Variants in CELF1 observed in about 807,000 individuals in gnomAD.
The protein encoded by CELF1 is CUGBP Elav-like family member 1, also known as 50 kDa nuclear polyadenylated RNA-binding protein.
A neutral mutation model predicts 61.8 loss-of-function variants in CELF1; 10 were observed. That is an observed-to-expected ratio of 0.16 (90% CI 0.10 to 0.27). The LOEUF (loss-of-function observed/expected upper bound fraction) is 0.27, where lower values mean the gene tolerates loss of function less well. Ranked by LOEUF, CELF1 falls within the 10% of genes least tolerant of loss-of-function variation. The probability of loss-of-function intolerance (pLI) is 1.00; values close to 1 mark genes in which losing one functional copy is unlikely to be tolerated. For missense variants in CELF1, 380 were observed against 639.1 expected, an observed-to-expected ratio of 0.59 and a Z score of 4.37; for synonymous variants, 236 against 225.1, an observed-to-expected ratio of 1.05 and a Z score of -0.43.
intron 1 of CELF1, among the ~76,000 whole-genome samples, chr11:47,549,660 CTAG>C (rs1301940659): frequency 6.6e-6 from 1 of 151,914 alleles, no homozygotes; most frequent in African/African-American, 2.4e-5. Flanking sequence ...TTACCAGGGG[CTAG>C]TAGGAGGGGG....
chr11:47,561,152 A>AG lies in CELF1; in HGVS notation c.-11+3198_-11+3199insC, dbSNP rs2097223682. Among the ~76,000 whole-genome samples, 4 of 149,654 alleles carry AG rather than the reference A, an allele frequency of 2.7e-5. No individual in the cohort carries two copies. The South Asian group carries it at 8.4e-4, about 32-fold the overall frequency. ...GACTCTGTCTCAAAAAAAAAAAAAA[A>AG]AAGTGTATTTCGCTGGGTGAGGTGG... On this transcript the variant is annotated intron_variant, in intron 2 of 3. Coordinates refer to the CELF1 transcript ENST00000525841.
chr11:47,496,445 G>C (rs557553659), intron 3 of CELF1, among the ~76,000 whole-genome samples: 9 of 152,276 alleles, frequency 5.9e-5, no homozygotes, highest in African/African-American at 2.2e-4. Flanking sequence ...ATAGGGCTCT[G>C]TAAGACTGAG....
At chr11:47,541,474 T>C (rs1419984990) in intron 1 of CELF1, among the ~76,000 whole-genome samples, 1 of 151,862 alleles carries the variant, frequency 6.6e-6, no homozygotes, top group African/African-American at 2.4e-5. Context: ...GTGGATCTCC[T>C]GAGGTCAGGA....
intron 1 of CELF1, among the ~76,000 whole-genome samples, chr11:47,550,569 T>C (rs182958098): frequency 1.3e-5 from 2 of 152,204 alleles, no homozygotes; most frequent in African/African-American, 4.8e-5. Context: ...TAAGCCTATT[T>C]TGGGAAGATA....
At chr11:47,510,259 G>A (rs1489767841) in intron 1 of CELF1, among the ~76,000 whole-genome samples, 1 of 152,134 alleles carries the variant, frequency 6.6e-6, no homozygotes, top group Non-Finnish European at 1.5e-5. Flanking sequence ...GAATAGGCAA[G>A]GTAATAAGCT....
intron 13 of CELF1, 84 bp downstream of exon 13, chr11:47,475,252 C>G: frequency 2.3e-6 from 3 of 1,316,442 alleles, no homozygotes; most frequent in Non-Finnish European, 3.2e-6. Context: ...TAACTGGTTC[C>G]CTCAGCCTTT....
At chr11:47,494,948 T>C (rs2092782345) in intron 3 of CELF1, among the ~76,000 whole-genome samples, 1 of 152,218 alleles carries the variant, frequency 6.6e-6, no homozygotes, top group Non-Finnish European at 1.5e-5. Flanking sequence ...ACAGGGGTCT[T>C]GCTGTGAAAC....
At chr11:47,492,992 GTTGT>G (rs1194864055) in intron 3 of CELF1, among the ~76,000 whole-genome samples, 5 of 152,154 alleles carry the variant, frequency 3.3e-5, no homozygotes, top group East Asian at 3.9e-4. Context: ...CCTTCCCTCT[GTTGT>G]TTGTGTGCCA....
At chr11:47,481,102 C>CTTTTTTTTTTTTTTTTTTT (rs1187959061) in intron 9 of CELF1, among the ~76,000 whole-genome samples, 10 of 71,416 alleles carry the variant, frequency 1.4e-4, no homozygotes, top group Admixed American at 5.0e-4. Context: ...TTTTCTTCTT[C>CTTTTTTTTTTTTTTTTTTT]TTTTTTTTTT....
chr11:47,507,368 T>C (rs752763286), intron 1 of CELF1, among the ~76,000 whole-genome samples: 2 of 152,018 alleles, frequency 1.3e-5, no homozygotes, highest in African/African-American at 2.4e-5. Context: ...CCTGAATACA[T>C]AGGTGCCGGG....
intron 1 of CELF1, among the ~76,000 whole-genome samples, chr11:47,526,794 G>A (rs1039240975): frequency 6.6e-6 from 1 of 152,176 alleles, no homozygotes; most frequent in African/African-American, 2.4e-5. Flanking sequence ...TCCAGGCCGG[G>A]CAGTGGTGGC....
At chr11:47,483,376 G>T in intron 8 of CELF1, 77 bp downstream of exon 8, 2 of 1,099,082 alleles carry the variant, frequency 1.8e-6, no homozygotes, top group African/African-American at 1.5e-5. Context: ...TGCTGCACAT[G>T]CTGCTGGACT....
intron 1 of CELF1, among the ~76,000 whole-genome samples, chr11:47,544,008 T>C (rs1479246016): frequency 6.6e-6 from 1 of 152,164 alleles, no homozygotes; most frequent in Non-Finnish European, 1.5e-5. Flanking sequence ...CAGTAGACTC[T>C]CAAAGTAGAA....
At chr11:47,500,168 TACA>T (rs1437460379) in intron 2 of CELF1, among the ~76,000 whole-genome samples, 2 of 151,754 alleles carry the variant, frequency 1.3e-5, no homozygotes, top group Admixed American at 6.6e-5. Flanking sequence ...ACCACTCACA[TACA>T]ACTGCCTACA....
chr11:47,484,316 CCA>C, intron 7 of CELF1, 71 bp downstream of exon 7: 1 of 1,465,376 alleles, frequency 6.8e-7, no homozygotes, highest in South Asian at 1.2e-5. Flanking sequence ...GACCTTGTCT[CCA>C]AAAAAAAAAA....
At chr11:47,548,631 C>T (rs913375445) in intron 1 of CELF1, among the ~76,000 whole-genome samples, 19 of 151,776 alleles carry the variant, frequency 1.3e-4, no homozygotes, top group Non-Finnish European at 2.5e-4. Flanking sequence ...TTTGGGAGGT[C>T]GAGGCGGGCG....
At chr11:47,550,996 T>G (rs1447168380) in intron 1 of CELF1, among the ~76,000 whole-genome samples, 2 of 151,646 alleles carry the variant, frequency 1.3e-5, no homozygotes, top group African/African-American at 4.8e-5. Context: ...CCCATTTCAT[T>G]ACACCTCAAA....
intron 1 of CELF1, among the ~76,000 whole-genome samples, chr11:47,547,611 G>A (rs1669349761): frequency 6.9e-6 from 1 of 145,592 alleles, no homozygotes. Flanking sequence ...GGAGGTTACA[G>A]TGAGCCGAGA....
chr11:47,497,041 G>T (rs932504487), intron 3 of CELF1, among the ~76,000 whole-genome samples: 6 of 152,180 alleles, frequency 3.9e-5, no homozygotes, highest in African/African-American at 1.4e-4. Flanking sequence ...GGAATTTTGG[G>T]CCAGGATACA....
Sources: gnomAD v4.1 joint callset for allele counts (sites outside exome capture counted in the v4.1 genomes callset) on GRCh38, gnomAD v4.1.1 for gene constraint, MANE v1.5 for transcripts, NCBI Gene and HGNC (gene_info 2026-07-23, HGNC 2026-07-21) for gene names.